The following CLTRN variants were observed in gnomAD, a reference collection of about 807,000 sequenced individuals.
CLTRN encodes the protein collectrin, amino acid transport regulator, also known as collectrin.
In CLTRN, 12 loss-of-function variants were observed where a neutral mutation model predicts 14.5. The observed-to-expected ratio is 0.83, with a 90% CI of 0.53 to 1.34. The LOEUF (loss-of-function observed/expected upper bound fraction) is 1.34, where lower values mean the gene tolerates loss of function less well. Ranked by LOEUF, CLTRN falls within the 40% of genes most tolerant of loss-of-function variation. The probability of loss-of-function intolerance (pLI) is 0.00; values close to 1 mark genes in which losing one functional copy is unlikely to be tolerated. For synonymous variants in CLTRN, 58 were observed against 56.5 expected, an observed-to-expected ratio of 1.03 and a Z score of -0.12; for missense variants, 154 against 165.1, an observed-to-expected ratio of 0.93 and a Z score of 0.37.
intron 3 of CLTRN, among the ~76,000 whole-genome samples, chrX:15,645,618 A>G (rs1383330815): frequency 1.8e-5 from 2 of 112,126 alleles, no homozygotes; most frequent in Non-Finnish European, 3.8e-5. Flanking sequence ...AAACACTATA[A>G]TCAATTCACC....
intron 3 of CLTRN, among the ~76,000 whole-genome samples, chrX:15,649,366 C>T (rs1313973339): frequency 8.9e-6 from 1 of 112,085 alleles, no homozygotes; most frequent in Non-Finnish European, 1.9e-5. Context: ...ATTTTATCTA[C>T]TTAGAAATAA....
At chrX:15,660,191 A>G (rs947597914) in intron 2 of CLTRN, among the ~76,000 whole-genome samples, 2 of 111,823 alleles carry the variant, frequency 1.8e-5, no homozygotes, top group Non-Finnish European at 3.8e-5. Flanking sequence ...GGCAGGGAGG[A>G]TAGTAAGTAA....
chrX:15,638,490 C>T (rs1487477666), intron 5 of CLTRN, among the ~76,000 whole-genome samples: 3 of 112,191 alleles, frequency 2.7e-5, no homozygotes, highest in African/African-American at 9.7e-5. Context: ...CTTAGCCAAA[C>T]ACATCCCACA....
intron 3 of CLTRN, chrX:15,646,792 C>T (rs1201957387): frequency 3.0e-6 from 1 of 332,534 alleles, no homozygotes; most frequent in African/African-American, 2.7e-5. Flanking sequence ...TGGACCGCCG[C>T]CACCCCCCCA....
At chrX:15,660,906 G>A (rs1929492941) in intron 2 of CLTRN, among the ~76,000 whole-genome samples, 1 of 112,190 alleles carries the variant, frequency 8.9e-6, no homozygotes, top group African/African-American at 3.2e-5. Flanking sequence ...GCATTTTAAT[G>A]TCAACTTTAG....
At chrX:15,664,980 C>G (rs139660495), upstream of CLTRN, 440 of 417,435 alleles carry the variant, frequency 1.1e-3, 2 homozygotes, top group African/African-American at 0.01. Flanking sequence ...TTATGAAAAC[C>G]TGTTTGGAAA....
At chrX:15,661,177 A>T (rs1164524033) in intron 2 of CLTRN, among the ~76,000 whole-genome samples, 2 of 112,522 alleles carry the variant, frequency 1.8e-5, no homozygotes, top group African/African-American at 6.5e-5. Context: ...AACAGAATGC[A>T]GACACAAGGA....
intron 2 of CLTRN, among the ~76,000 whole-genome samples, chrX:15,659,523 G>A (rs1396669867): frequency 9.0e-6 from 1 of 111,730 alleles, no homozygotes; most frequent in African/African-American, 3.3e-5. Context: ...TTTAGTGTGT[G>A]TGCGTGCATA....
intron 3 of CLTRN, among the ~76,000 whole-genome samples, chrX:15,653,325 CTTTT>C (rs1464725756): frequency 2.8e-5 from 3 of 108,788 alleles, no homozygotes; most frequent in Non-Finnish European, 3.8e-5. Context: ...GGCCTTTTCT[CTTTT>C]TTTCTTTTTT....
intron 5 of CLTRN, among the ~76,000 whole-genome samples, chrX:15,631,161 T>C (rs1441416601): frequency 8.9e-6 from 1 of 112,330 alleles, no homozygotes; most frequent in East Asian, 2.8e-4. Flanking sequence ...GATGAAGCTG[T>C]AAGTAGCAAA....
At chrX:15,661,518 C>T (rs1205130241) in intron 2 of CLTRN, among the ~76,000 whole-genome samples, 1 of 112,317 alleles carries the variant, frequency 8.9e-6, no homozygotes, top group Non-Finnish European at 1.9e-5. Context: ...GTGCATTGGA[C>T]GTAGTGTATT....
chrX:15,651,867 G>A (rs1051320249), intron 3 of CLTRN, among the ~76,000 whole-genome samples: 1 of 111,899 alleles, frequency 8.9e-6, no homozygotes, highest in African/African-American at 3.3e-5. Flanking sequence ...TAACAGAAAA[G>A]AGAGGCAGGG....
chrX:15,667,666 C>T (rs137969456), upstream of CLTRN, among the ~76,000 whole-genome samples: 673 of 111,588 alleles, frequency 6.0e-3, 3 homozygotes, highest in Non-Finnish European at 9.4e-3. Context: ...TGGGGTCATG[C>T]TATTATGCAG....
intron 4 of CLTRN, among the ~76,000 whole-genome samples, chrX:15,641,635 G>GCT (rs1450042275): frequency 8.4e-5 from 5 of 59,320 alleles, no homozygotes; most frequent in Admixed American, 8.1e-4. Context: ...ACCACACCTG[G>GCT]CTGTGTGTGT....
chrX:15,656,454 T>C (rs899129171), intron 3 of CLTRN, among the ~76,000 whole-genome samples: 2 of 111,443 alleles, frequency 1.8e-5, no homozygotes, highest in Non-Finnish European at 3.8e-5. Context: ...TCTGCAATAT[T>C]AGTAGATAAA....
chrX:15,649,886 G>T (rs1270502338), intron 3 of CLTRN, among the ~76,000 whole-genome samples: 1 of 108,451 alleles, frequency 9.2e-6, no homozygotes, highest in African/African-American at 3.4e-5. Flanking sequence ...AACAGAAAAA[G>T]GACATTAGTA....
intron 2 of CLTRN, among the ~76,000 whole-genome samples, chrX:15,660,027 A>G (rs1038940326): frequency 8.9e-6 from 1 of 111,738 alleles, no homozygotes; most frequent in South Asian, 3.8e-4. Context: ...GGTAGCAACT[A>G]AAGAGAAGCA....
At chrX:15,649,468 C>T (rs778601454) in intron 3 of CLTRN, among the ~76,000 whole-genome samples, 4 of 112,226 alleles carry the variant, frequency 3.6e-5, no homozygotes, top group African/African-American at 1.3e-4. Context: ...AGTTCCTGGA[C>T]TGAAACTCTA....
chrX:15,640,103 G>C lies in CLTRN; in HGVS notation c.318-347C>G, dbSNP rs1280436479. 2.7e-5 allele frequency among the ~76,000 whole-genome samples: 3 copies of C among 111,612 alleles called. No homozygotes were observed. The Admixed American group carries it at 2.8e-4, about 11-fold the overall frequency. On this transcript the variant is annotated intron_variant, in intron 4 of 5. Coordinates refer to ENST00000380342, the MANE Select transcript of CLTRN (RefSeq NM_020665.6). ...CTCTGGAGGCAGGGCTCTAACCCTG[G>C]ACCAAACTGAGGACTAACTAAAACA... is the stretch of plus-strand genomic sequence containing the variant.
Sources: allele counts gnomAD v4.1 joint callset (sites outside exome capture counted in the v4.1 genomes callset), GRCh38; gene constraint gnomAD v4.1.1; transcripts MANE v1.5; gene names NCBI Gene and HGNC (gene_info 2026-07-23, HGNC 2026-07-21).